Variants in PARN observed in about 807,000 individuals in gnomAD.
The protein encoded by PARN is poly(A)-specific ribonuclease.
In PARN, 71 loss-of-function variants were observed where a neutral mutation model predicts 102.8. The ratio of observed to expected loss-of-function variants is 0.69; its 90% CI spans 0.57 to 0.84. The LOEUF is 0.84. PARN is among the 40% of genes least tolerant of loss of function. PARN has a pLI of 0.00. For synonymous variants in PARN, 261 were observed against 252.9 expected, an observed-to-expected ratio of 1.03 and a Z score of -0.30; for missense variants, 782 against 760.9, an observed-to-expected ratio of 1.03 and a Z score of -0.33.
chr16:14,625,056 C>T (rs1281293077), intron 5 of PARN, among the ~76,000 whole-genome samples: 6 of 151,942 alleles, frequency 3.9e-5, no homozygotes, highest in African/African-American at 1.4e-4. Context: ...TGTCTCATTG[C>T]CACCCTCTGC....
At chr16:14,518,748 T>C (rs1192556298) in intron 21 of PARN, among the ~76,000 whole-genome samples, 1 of 152,214 alleles carries the variant, frequency 6.6e-6, no homozygotes, top group African/African-American at 2.4e-5. Flanking sequence ...CTTTTTTCAA[T>C]ATAGTACACC....
Position 14,523,632 on chromosome 16 carries a change from A to C in PARN, c.1480+28389T>G, listed in dbSNP as rs1965851711. ...ACATACGTAGAGATCAGATACAGAA[A>C]AGTCTAAAGACTTATACAGAATATG... is the stretch of plus-strand genomic sequence containing the variant. On this transcript the variant is annotated intron_variant, in intron 21 of 23. Transcript: ENST00000437198. Among the ~76,000 whole-genome samples the C allele has an allele frequency of 1.3e-5, 2 of 152,242 alleles. 1 individual carries two copies. Among genetic ancestry groups the C allele is most frequent in the African/African-American group, 4.8e-5 (2 of 41,462 alleles).
At chr16:14,599,794 T>TTAC in intron 12 of PARN, 110 bp downstream of exon 12, 4 of 667,478 alleles carry the variant, frequency 6.0e-6, no homozygotes, top group Non-Finnish European at 1.0e-5. Context: ...CTTAGAATGT[T>TTAC]CTAGGTAAAC....
intron 22 of PARN, among the ~76,000 whole-genome samples, chr16:14,448,910 G>A (rs978213886): frequency 1.3e-5 from 2 of 152,154 alleles, no homozygotes; most frequent in South Asian, 2.1e-4. Context: ...GTAATGTTTC[G>A]GCAGTGGGGG....
intron 21 of PARN, among the ~76,000 whole-genome samples, chr16:14,550,748 C>T (rs1300773332): frequency 6.6e-6 from 1 of 152,196 alleles, no homozygotes; most frequent in Non-Finnish European, 1.5e-5. Context: ...AAAACAAACA[C>T]ATCACTTAAA....
chr16:14,446,280 G>C (rs577770491), intron 23 of PARN, among the ~76,000 whole-genome samples: 1 of 152,226 alleles, frequency 6.6e-6, no homozygotes, highest in Non-Finnish European at 1.5e-5. Context: ...CTTAAGCGCA[G>C]CATGGCCCCG....
chr16:14,441,024 C>A, intron 23 of PARN, among the ~76,000 whole-genome samples: 1 of 152,116 alleles, frequency 6.6e-6, no homozygotes, highest in South Asian at 2.1e-4. Flanking sequence ...CTTATTGAAG[C>A]TGACCTGGCG....
chr16:14,481,265 A>G (rs1963366172), intron 22 of PARN, among the ~76,000 whole-genome samples: 1 of 152,234 alleles, frequency 6.6e-6, no homozygotes, highest in African/African-American at 2.4e-5. Context: ...GGTAAAATAA[A>G]TGCTGCATAT....
At chr16:14,542,567 TAA>T (rs201515639) in intron 21 of PARN, among the ~76,000 whole-genome samples, 4 of 148,436 alleles carry the variant, frequency 2.7e-5, no homozygotes, top group Admixed American at 1.3e-4. Flanking sequence ...TCAAAAAAAT[TAA>T]AAAAAAAAAG....
intron 21 of PARN, among the ~76,000 whole-genome samples, chr16:14,521,869 A>G (rs373150980): frequency 2.0e-5 from 3 of 152,050 alleles, no homozygotes; most frequent in East Asian, 1.9e-4. Flanking sequence ...CCCCTTATAC[A>G]TGGTGGTCCC....
At chr16:14,477,857 C>G (rs538493073) in intron 22 of PARN, among the ~76,000 whole-genome samples, 3 of 151,958 alleles carry the variant, frequency 2.0e-5, no homozygotes, top group African/African-American at 4.8e-5. Flanking sequence ...AAGAAAATTA[C>G]AGTCTAATAT....
At chr16:14,445,829 G>T (rs187125918) in intron 23 of PARN, among the ~76,000 whole-genome samples, 73 of 152,310 alleles carry the variant, frequency 4.8e-4, no homozygotes, top group Admixed American at 4.2e-3. Flanking sequence ...CTCCCAAAGT[G>T]CTCGGATTAC....
At chr16:14,565,800 T>A (rs1430632775) in intron 18 of PARN, among the ~76,000 whole-genome samples, 2 of 152,228 alleles carry the variant, frequency 1.3e-5, no homozygotes, top group Non-Finnish European at 2.9e-5. Flanking sequence ...CTGCCACTCC[T>A]GGGGCCCTAG....
intron 18 of PARN, among the ~76,000 whole-genome samples, chr16:14,574,189 G>A (rs553574782): frequency 1.7e-4 from 26 of 151,936 alleles, no homozygotes; most frequent in African/African-American, 5.3e-4. Context: ...TTGGGAACTG[G>A]AGCAAAGGTG....
intron 21 of PARN, 135 bp from the exon 22 acceptor site, chr16:14,482,962 C>G: frequency 1.6e-6 from 1 of 612,784 alleles, no homozygotes; most frequent in East Asian, 3.0e-5. Flanking sequence ...GCTCTGCCAC[C>G]TGGAAGACAA....
intron 5 of PARN, among the ~76,000 whole-genome samples, chr16:14,619,377 A>AT (rs1972139826): frequency 6.6e-6 from 1 of 151,752 alleles, no homozygotes; most frequent in African/African-American, 2.4e-5. Context: ...AGGTGGTTGC[A>AT]TCGCTGGAGC....
At chr16:14,590,164 T>C (rs1970093950) in intron 13 of PARN, among the ~76,000 whole-genome samples, 2 of 120,916 alleles carry the variant, frequency 1.7e-5, no homozygotes, top group African/African-American at 6.4e-5. Flanking sequence ...GTCAAGAGAA[T>C]CACTTGAACA....
At chr16:14,523,114 C>T (rs1005811540) in intron 21 of PARN, among the ~76,000 whole-genome samples, 2 of 151,682 alleles carry the variant, frequency 1.3e-5, no homozygotes, top group African/African-American at 4.8e-5. Context: ...AGTTATCGGA[C>T]AAAAATGAGT....
chr16:14,451,737 G>T (rs529519309), intron 22 of PARN, among the ~76,000 whole-genome samples: 129 of 151,072 alleles, frequency 8.5e-4, no homozygotes, highest in African/African-American at 2.9e-3. Context: ...GGCCAGGTGT[G>T]GTGGTTCACA....
Sources: allele counts gnomAD v4.1 joint callset (sites outside exome capture counted in the v4.1 genomes callset), GRCh38; gene constraint gnomAD v4.1.1; transcripts MANE v1.5; gene names NCBI Gene and HGNC (gene_info 2026-07-23, HGNC 2026-07-21).